ZNF414: variants seen among roughly 807,000 people sequenced by gnomAD.
The protein encoded by ZNF414 is zinc finger protein 414.
In ZNF414, 32 loss-of-function variants were observed where a neutral mutation model predicts 38.3. The ratio of observed to expected loss-of-function variants is 0.83; its 90% CI spans 0.63 to 1.12. The LOEUF (loss-of-function observed/expected upper bound fraction) is 1.12. Ranked by LOEUF, ZNF414 falls within the 50% of genes most tolerant of loss-of-function variation. The pLI is 0.00. For synonymous variants in ZNF414, 256 were observed against 248.0 expected (o/e 1.03, Z -0.30); for missense variants, 589 against 557.4 (o/e 1.06, Z -0.57).
chr19:8,512,000 G>T, intron 4 of ZNF414, 40 bp from the exon 5 acceptor site: 1 of 1,395,820 alleles, frequency 7.2e-7, no homozygotes, highest in Non-Finnish European at 9.2e-7. Flanking sequence ...TGGGCCTCCA[G>T]GGGCACCAGG....
chr19:8,511,858 C>A lies in ZNF414; in HGVS notation c.633G>T (p.Pro211=). Residue 211 remains proline, a synonymous_variant, in exon 5 of 8, where the codon CCG becomes CCT. Transcript: ENST00000393927. ...GCGCGGGCGGCTCTCGGTCCAGGGCCGGGGGTGGCGGCGGGGCTGGGCTCT... is the reference window on the plus strand; with the variant it reads ...GCGCGGGCGGCTCTCGGTCCAGGGCAGGGGGTGGCGGCGGGGCTGGGCTCT... The part of the protein sequence containing the change: ...HAQSPAPPPP[P]ALDREPPAPE... The A allele has an allele frequency of 7.1e-7, 1 of 1,399,152 alleles. No homozygotes were observed. Among genetic ancestry groups the A allele is most frequent in the Non-Finnish European group, 9.2e-7 (1 of 1,084,390 alleles). 86.7% of individuals were successfully genotyped at this position (1,399,152 alleles called of 1,614,324 possible). A position where few individuals can be genotyped will look rare whatever the true frequency, so the allele number is the denominator to read the frequency against.
intron 1 of ZNF414, 102 bp from the exon 2 acceptor site, chr19:8,513,443 T>A: frequency 8.7e-7 from 1 of 1,153,802 alleles, no homozygotes; most frequent in Non-Finnish European, 1.2e-6. Context: ...GGGGAATACG[T>A]AAGGGTGGAC....
chr19:8,512,824 G>A (rs1257390421), intron 2 of ZNF414, 113 bp from the exon 3 acceptor site: 2 of 1,208,416 alleles, frequency 1.7e-6, no homozygotes, highest in East Asian at 2.6e-5. Flanking sequence ...TTTACTCTCT[G>A]CCTACCACAA....
chr19:8,511,138 G>A, intron 6 of ZNF414, 114 bp from the exon 7 acceptor site: 1 of 1,278,626 alleles, frequency 7.8e-7, no homozygotes, highest in Non-Finnish European at 9.9e-7. Flanking sequence ...CCCCCCATCA[G>A]CTTCCGGGCG....
intron 2 of ZNF414, 114 bp downstream of exon 2, chr19:8,512,915 C>T (rs769595552): frequency 3.5e-5 from 47 of 1,336,684 alleles, no homozygotes; most frequent in Middle Eastern, 2.5e-4. Context: ...CCGGCTGCTC[C>T]GTAAAATGAT....
Position 8,510,305 on chromosome 19 carries a change from AAAG to A in ZNF414, c.*383_*385del. Reference sequence around the variant, plus strand: ...ACTGTCTCAAAAAAGAAAAAAAAAAAAAGAAAAAAAAAAAAAAAGAAAACTGGA... The same window carrying A: ...ACTGTCTCAAAAAAGAAAAAAAAAAAAAAAAAAAAAAAAAAGAAAACTGGA... On this transcript the variant is annotated 3_prime_UTR_variant, in exon 8 of 8. Transcript: ENST00000393927. 13 of 144,110 alleles carry A rather than the reference AAAG, an allele frequency of 9.0e-5. No homozygotes were observed. Among genetic ancestry groups the A allele is most frequent in the East Asian group, 1.9e-4 (1 of 5,168 alleles). 8.9% of individuals were successfully genotyped at this position (144,110 alleles called of 1,614,324 possible). A position where few individuals can be genotyped will look rare whatever the true frequency, so the allele number is the denominator to read the frequency against.
At position 8,510,903 on chromosome 19, in the gene ZNF414, G is replaced by A; in HGVS notation, c.1047C>T (p.Pro349=). The stretch of plus-strand genomic sequence containing the variant: ...CGGCCGCGGGGGCCGCGGGGGCGCC[G>A]GGGCGGTGGTCCTCCAGGTGCAGGG... ...AMTLHLEDHR[P]GAPAAPAAGP... Residue 349 remains proline, a synonymous_variant, in exon 7 of 8, where the codon CCC becomes CCT. Coordinates refer to ENST00000393927, the MANE Select transcript of ZNF414 (RefSeq NM_001146175.2). 5.9e-6 allele frequency: 7 copies of A among 1,179,846 alleles called. No individual in the cohort carries two copies. The highest frequency in any genetic ancestry group is 7.3e-6 in the Non-Finnish European group (7 of 952,910). 73.1% of individuals were successfully genotyped at this position (1,179,846 alleles called of 1,614,324 possible). A position where few individuals can be genotyped will look rare whatever the true frequency, so the allele number is the denominator to read the frequency against.
chr19:8,512,171 C>T, intron 4 of ZNF414: 2 of 1,426,224 alleles, frequency 1.4e-6, no homozygotes, highest in Non-Finnish European at 1.8e-6. Flanking sequence ...TTAAGTTAGG[C>T]GGCCGGTTTT....
rs1971904017 is a variant in ZNF414, at chr19:8,510,883, GCGGGGGC to G, written c.1060_1066del (p.Ala354ArgfsTer95). On this transcript the variant is annotated frameshift_variant, in exon 7 of 8. Transcript: ENST00000393927. LOFTEE classifies it low-confidence loss of function (END_TRUNC). ...GGCGTCGGGGCGCGGCGGCCCGGCC[GCGGGGGC>G]CGCGGGGGCGCCGGGGCGGTGGTCC... 9.0e-7 allele frequency: 1 copy of G among 1,114,944 alleles called. No individual in the cohort carries two copies. Among genetic ancestry groups the G allele is most frequent in the African/African-American group, 1.7e-5 (1 of 59,900 alleles). 69.1% of individuals were successfully genotyped at this position (1,114,944 alleles called of 1,614,324 possible).
intron 4 of ZNF414, 145 bp downstream of exon 4, chr19:8,512,242 A>G (rs936627441): frequency 6.9e-7 from 1 of 1,443,134 alleles, no homozygotes; most frequent in African/African-American, 1.4e-5. Flanking sequence ...CGCCCCATCC[A>G]GGGAGTTGAG....
Position 8,511,812 on chromosome 19 carries a change from C to T in ZNF414, c.679G>A (p.Asp227Asn). 2 of 1,401,310 alleles carry T rather than the reference C, an allele frequency of 1.4e-6. No individual in the cohort carries two copies. Among genetic ancestry groups the T allele is most frequent in the South Asian group, 1.6e-5 (1 of 61,278 alleles). The allele number at this position is 1,401,310 out of a possible 1,614,324, so 86.8% of individuals were successfully genotyped here. The change falls in exon 5 of 8, where the codon GAC becomes AAC. Residue 227 changes from aspartate (D) to asparagine (N), a missense_variant. By Grantham distance (23) the Asp-to-Asn change is conservative. Coordinates refer to ENST00000393927, the MANE Select transcript of ZNF414 (RefSeq NM_001146175.2). ...PPAPERPPEV[D>N]PASAPGLPFP... is the part of the protein sequence containing the mutation. The stretch of plus-strand genomic sequence containing the variant: ...GGCAGGCCCGGCGCTGATGCGGGGT[C>T]AACCTCCGGGGGGCGCTCCGGCGCG...
Position 8,511,918 on chromosome 19 carries a change from G to A in ZNF414, c.573C>T (p.Leu191=), listed in dbSNP as rs550029086. The change falls in exon 5 of 8, where the codon CTC becomes CTT. Residue 191 remains leucine (L), a synonymous_variant. Coordinates refer to ENST00000393927, the MANE Select transcript of ZNF414 (RefSeq NM_001146175.2). ...CLLRFRTHRS[L]FKHLHVCAEH... ...CCGCGCAAACATGCAGGTGCTTGAA[G>A]AGCGAGCGGTGCGTGCGGAAGCGCA... The A allele has an allele frequency of 2.8e-6, 4 of 1,416,420 alleles. No homozygotes were observed. The highest frequency in any genetic ancestry group is 2.6e-5 in the East Asian group (1 of 37,832). 87.7% of individuals were successfully genotyped at this position (1,416,420 alleles called of 1,614,324 possible).
intron 4 of ZNF414, 134 bp from the exon 5 acceptor site, chr19:8,512,094 T>C: frequency 2.1e-6 from 3 of 1,415,988 alleles, no homozygotes; most frequent in Non-Finnish European, 2.8e-6. Context: ...CCTGTACAAC[T>C]GTGGCAGCGA....
In ZNF414 at chr19:8,512,385, A is replaced by C. The variant is rs2145807593; in HGVS notation, c.530+2T>G. On this transcript the variant is annotated splice_donor_variant, in intron 4 of 7. Coordinates refer to ENST00000393927, the MANE Select transcript of ZNF414 (RefSeq NM_001146175.2). LOFTEE classifies it high-confidence loss of function. ...GCGGAGCTCAAGAGGTCAGGGTCTC[A>C]CTTGAAGTAGCGATTGGGTTTGTAG... 2 of 1,613,836 alleles carry C rather than the reference A, an allele frequency of 1.2e-6. No individual in the cohort carries two copies. Among genetic ancestry groups the C allele is most frequent in the Non-Finnish European group, 8.5e-7 (1 of 1,179,770 alleles).
Position 8,513,259 on chromosome 19 carries a change from G to A in ZNF414, c.86C>T (p.Ser29Phe). The A allele has an allele frequency of 6.3e-7, 1 of 1,594,752 alleles. No individual in the cohort carries two copies. The highest frequency in any genetic ancestry group is 8.5e-7 in the Non-Finnish European group (1 of 1,177,676). The change falls in exon 2 of 8, where the codon TCC becomes TTC. Residue 29 changes from serine (S) to phenylalanine (F), a missense_variant. Physicochemically the swap from Ser to Phe is radical, Grantham distance 155. Coordinates refer to ENST00000393927, the MANE Select transcript of ZNF414 (RefSeq NM_001146175.2). ...AGGGGCTGCAGCTGGCACAGCCGGG[G>A]ACAACACCTCCTTGTCGGTCTCACT... ...SSSETDKEVL[S>F]PAVPAAAPSS...
chr19:8,513,498 G>A (rs1971948100), intron 1 of ZNF414, among the ~76,000 whole-genome samples, 157 bp from the exon 2 acceptor site: 1 of 152,126 alleles, frequency 6.6e-6, no homozygotes, highest in Non-Finnish European at 1.5e-5. Context: ...TCGCCATGTT[G>A]CCCTCACTGG....
At chr19:8,512,971 G>T in intron 2 of ZNF414, 58 bp downstream of exon 2, 1 of 1,423,384 alleles carries the variant, frequency 7.0e-7, no homozygotes, top group African/African-American at 1.4e-5. Context: ...GATTCTCTAC[G>T]TCTCGCTTCT....
At position 8,514,127 on chromosome 19, in the gene ZNF414, T is replaced by C. The variant is rs2287863; in HGVS notation, c.-81A>G. 238,691 of 1,383,552 alleles carry C rather than the reference T, an allele frequency of 0.17. 21,529 individuals are homozygous for C. The highest frequency in any genetic ancestry group is 0.29 in the African/African-American group (19,244 of 66,194). 85.7% of individuals were successfully genotyped at this position (1,383,552 alleles called of 1,614,324 possible). A position where few individuals can be genotyped will look rare whatever the true frequency, so the allele number is the denominator to read the frequency against. ...GCGGCCACCCTCTGGGCAGTGCGAG[T>C]TCGCGCTCACGTCAGCGCCATTTTC... On this transcript the variant is annotated 5_prime_UTR_variant, in exon 1 of 8. Coordinates refer to ENST00000393927, the MANE Select transcript of ZNF414 (RefSeq NM_001146175.2).
chr19:8,511,944 G>C lies in ZNF414; in HGVS notation c.547C>G (p.Leu183Val). The change falls in exon 5 of 8, where the codon CTG (leucine) becomes GTG (valine). Residue 183 changes from leucine to valine, a missense_variant. Coordinates refer to ENST00000393927, the MANE Select transcript of ZNF414 (RefSeq NM_001146175.2). ...NRYFKCENCL[L>V]RFRTHRSLFK... Reference sequence around the variant, plus strand: ...AGCGAGCGGTGCGTGCGGAAGCGCAGGAGGCAGTTCTCACACCTGGAGGTG... The same window carrying C: ...AGCGAGCGGTGCGTGCGGAAGCGCACGAGGCAGTTCTCACACCTGGAGGTG... 7.0e-7 allele frequency: 1 copy of C among 1,420,482 alleles called. No individual in the cohort carries two copies. Among genetic ancestry groups the C allele is most frequent in the South Asian group, 1.7e-5 (1 of 59,710 alleles). The allele number at this position is 1,420,482 out of a possible 1,614,324, so 88.0% of individuals were successfully genotyped here.
Sources: allele counts gnomAD v4.1 joint callset (sites outside exome capture counted in the v4.1 genomes callset), GRCh38; gene constraint gnomAD v4.1.1; transcripts MANE v1.5; gene names NCBI Gene and HGNC (gene_info 2026-07-23, HGNC 2026-07-21).